The following POU6F2 variants were observed in gnomAD, a reference collection of about 807,000 sequenced individuals.
The protein encoded by POU6F2 is POU class 6 homeobox 2, also known as POU domain, class 6, transcription factor 2.
POU6F2 carries 31 observed loss-of-function variants against 71.3 expected under a neutral mutation model. That is an observed-to-expected ratio of 0.43 (90% CI 0.33 to 0.59). POU6F2 has a LOEUF of 0.59. Ranked by LOEUF, POU6F2 falls within the 20% of genes least tolerant of loss-of-function variation. The probability of loss-of-function intolerance (pLI) is 0.04; values close to 1 mark genes in which losing one functional copy is unlikely to be tolerated. For synonymous variants in POU6F2, 347 were observed against 355.7 expected, an observed-to-expected ratio of 0.98 and a Z score of 0.27; for missense variants, 783 against 856.8, an observed-to-expected ratio of 0.91 and a Z score of 1.07.
chr7:39,068,006 C>T (rs1249026311), intron 1 of POU6F2, among the ~76,000 whole-genome samples: 4 of 152,064 alleles, frequency 2.6e-5, no homozygotes, highest in Admixed American at 6.6e-5. Flanking sequence ...TCTTTTAACC[C>T]GTAATTTCAC....
intron 2 of POU6F2, 106 bp downstream of exon 2, chr7:39,086,137 T>A: frequency 8.4e-7 from 1 of 1,194,596 alleles, no homozygotes; most frequent in Non-Finnish European, 1.1e-6. Flanking sequence ...AGTTTTCCCG[T>A]AAGTACTAAA....
chr7:39,159,757 A>G (rs892341017), intron 2 of POU6F2, among the ~76,000 whole-genome samples: 2 of 152,178 alleles, frequency 1.3e-5, no homozygotes, highest in Non-Finnish European at 2.9e-5. Context: ...GGAGGGAAGA[A>G]GTAAATAGGC....
intron 1 of POU6F2, chr7:39,013,190 C>T (rs1285963879): frequency 2.6e-5 from 4 of 155,800 alleles, no homozygotes; most frequent in African/African-American, 4.8e-5. Flanking sequence ...ACTCTGTGGG[C>T]GTAGGACCCT....
chr7:39,124,034 T>A (rs932300052), intron 2 of POU6F2, among the ~76,000 whole-genome samples: 1 of 145,712 alleles, frequency 6.9e-6, no homozygotes, highest in Non-Finnish European at 1.5e-5. Context: ...ACTTTCCTCA[T>A]CCATAGACTG....
At chr7:39,163,377 A>T (rs960225773) in intron 2 of POU6F2, among the ~76,000 whole-genome samples, 30 of 152,328 alleles carry the variant, frequency 2.0e-4, no homozygotes, top group African/African-American at 6.3e-4. Context: ...TAACACAGAG[A>T]ACACGGCATT....
intron 3 of POU6F2, among the ~76,000 whole-genome samples, chr7:39,205,288 A>G (rs1024658870): frequency 3.9e-5 from 6 of 152,100 alleles, no homozygotes; most frequent in Admixed American, 6.5e-5. Flanking sequence ...TATGCTTGTA[A>G]CATTGTGTGT....
chr7:39,163,210 G>C (rs1272562315), intron 2 of POU6F2, among the ~76,000 whole-genome samples: 1 of 152,202 alleles, frequency 6.6e-6, no homozygotes. Context: ...TAAAAATCAA[G>C]AAATCATATC....
intron 7 of POU6F2, among the ~76,000 whole-genome samples, chr7:39,450,830 GAA>G (rs1481183422): frequency 6.6e-6 from 1 of 152,070 alleles, no homozygotes; most frequent in East Asian, 1.9e-4. Context: ...GAGAGGGGTG[GAA>G]ATAGTACCCA....
At chr7:39,305,149 A>G (rs185135045) in intron 4 of POU6F2, among the ~76,000 whole-genome samples, 50 of 152,368 alleles carry the variant, frequency 3.3e-4, no homozygotes, top group Non-Finnish European at 5.3e-4. Context: ...TTGGACATCT[A>G]GTGCTGAGAT....
chr7:39,417,649 A>AAG (rs1313104880), intron 6 of POU6F2, among the ~76,000 whole-genome samples: 3 of 152,214 alleles, frequency 2.0e-5, no homozygotes, highest in African/African-American at 7.2e-5. Flanking sequence ...AGGAAAAAAA[A>AAG]TGTTGCACAC....
intron 4 of POU6F2, among the ~76,000 whole-genome samples, chr7:39,309,230 C>A (rs1047738704): frequency 6.6e-6 from 1 of 152,212 alleles, no homozygotes; most frequent in Non-Finnish European, 1.5e-5. Context: ...AAGGAATTTT[C>A]TTTAAGAAGC....
chr7:39,186,796 T>C (rs1793548874), intron 2 of POU6F2, among the ~76,000 whole-genome samples: 1 of 152,126 alleles, frequency 6.6e-6, no homozygotes, highest in Non-Finnish European at 1.5e-5. Context: ...CAGGGTCTGC[T>C]CCTTCCCCAG....
chr7:39,368,192 T>G lies in POU6F2; in HGVS notation c.972+28177T>G, dbSNP rs542469454. 3.1e-3 allele frequency among the ~76,000 whole-genome samples: 470 copies of G among 152,360 alleles called. 2 individuals are homozygous for G. The highest frequency in any genetic ancestry group is 0.011 in the African/African-American group (460 of 41,580). On this transcript the variant is annotated intron_variant, in intron 5 of 9. Transcript: ENST00000518318. Reference sequence around the variant, plus strand: ...ATCAAGAAAGGCAGAAAACTAGGCCTCTTGTACCAGTTAGCCAAGTTGTGA... The same window carrying G: ...ATCAAGAAAGGCAGAAAACTAGGCCGCTTGTACCAGTTAGCCAAGTTGTGA...
At chr7:39,445,362 C>A (rs1477122805) in intron 7 of POU6F2, among the ~76,000 whole-genome samples, 2 of 152,180 alleles carry the variant, frequency 1.3e-5, no homozygotes, top group African/African-American at 4.8e-5. Flanking sequence ...GTCCTTTGAC[C>A]TTCCAGTCAT....
At position 39,317,899 on chromosome 7, in the gene POU6F2, C is replaced by G. The variant is rs1583520126; in HGVS notation, c.599-21743C>G. 2.0e-5 allele frequency among the ~76,000 whole-genome samples: 3 copies of G among 152,168 alleles called. No homozygotes were observed. The South Asian group carries it at 6.2e-4, about 32-fold the overall frequency. ...ACATCTCTAATTCTCATACATTTGGCAGAATGCTGGCAAAGGAATCCTCAA... is the reference window on the plus strand; with the variant it reads ...ACATCTCTAATTCTCATACATTTGGGAGAATGCTGGCAAAGGAATCCTCAA... On this transcript the variant is annotated intron_variant, in intron 4 of 9. Transcript: ENST00000518318.
At chr7:39,138,581 G>C (rs1342543395) in intron 2 of POU6F2, among the ~76,000 whole-genome samples, 1 of 152,160 alleles carries the variant, frequency 6.6e-6, no homozygotes, top group African/African-American at 2.4e-5. Context: ...AATGCCTGAT[G>C]ATCTGTCACT....
At chr7:38,980,608 T>C (rs1336823569) in intron 1 of POU6F2, among the ~76,000 whole-genome samples, 1 of 152,222 alleles carries the variant, frequency 6.6e-6, no homozygotes, top group Non-Finnish European at 1.5e-5. Flanking sequence ...AAATATCGTC[T>C]TATATCTACT....
At chr7:39,430,261 A>G in intron 6 of POU6F2, among the ~76,000 whole-genome samples, 1 of 152,220 alleles carries the variant, frequency 6.6e-6, no homozygotes, top group East Asian at 1.9e-4. Context: ...TGAAAGGGGA[A>G]CAAAAATAAG....
intron 4 of POU6F2, among the ~76,000 whole-genome samples, chr7:39,268,964 G>A (rs1250621082): frequency 1.3e-5 from 2 of 152,168 alleles, no homozygotes; most frequent in Non-Finnish European, 2.9e-5. Context: ...ATCCTCACAG[G>A]ACTCTGTTTA....
Sources: allele counts gnomAD v4.1 joint callset (sites outside exome capture counted in the v4.1 genomes callset), GRCh38; gene constraint gnomAD v4.1.1; transcripts MANE v1.5; gene names NCBI Gene and HGNC (gene_info 2026-07-23, HGNC 2026-07-21).